GNA12: variants seen among roughly 807,000 people sequenced by gnomAD.
GNA12 encodes G protein subunit alpha 12.
A neutral mutation model predicts 26.0 loss-of-function variants in GNA12; 9 were observed. The ratio of observed to expected loss-of-function variants is 0.35; its 90% CI spans 0.21 to 0.60. The LOEUF is 0.60. GNA12 is among the 20% of genes least tolerant of loss of function. The pLI is 0.78. For synonymous variants in GNA12, 264 were observed against 219.6 expected (o/e 1.20, Z -1.79); for missense variants, 405 against 525.8 (o/e 0.77, Z 2.25).
chr7:2,734,253 G>A (rs960339900), intron 2 of GNA12, among the ~76,000 whole-genome samples: 1 of 152,184 alleles, frequency 6.6e-6, no homozygotes, highest in Admixed American at 6.5e-5. Context: ...CGCAACCACC[G>A]ACCACAGAGC....
At chr7:2,754,422 C>A (rs370547750) in intron 2 of GNA12, among the ~76,000 whole-genome samples, 29 of 152,222 alleles carry the variant, frequency 1.9e-4, no homozygotes, top group African/African-American at 7.0e-4. Context: ...TTCTCCCAGT[C>A]TGTAGCTTGT....
chr7:2,770,091 G>A (rs1055127922), intron 2 of GNA12, among the ~76,000 whole-genome samples: 1 of 152,032 alleles, frequency 6.6e-6, no homozygotes, highest in African/African-American at 2.4e-5. Context: ...GGTACTGTGA[G>A]GAAAATAAAA....
chr7:2,731,442 G>A lies in GNA12; in HGVS notation c.885C>T (p.Leu295=). 1 of 1,613,818 alleles carries A rather than the reference G, an allele frequency of 6.2e-7. No individual in the cohort carries two copies. Among genetic ancestry groups the A allele is most frequent in the Non-Finnish European group, 8.5e-7 (1 of 1,179,802 alleles). Residue 295 remains leucine, a synonymous_variant, in exon 4 of 4, where the codon CTC becomes CTT. Transcript: ENST00000275364. The surrounding 1 kb of genome is among the most constrained non-coding windows in gnomAD (Gnocchi z 6.0). ...TCTCCACCAGGAGGTCCATCTTGTT[G>A]AGGAAGAGAATGATGGAGACGTTGA... ...LFFNVSIILF[L]NKMDLLVEKV...
chr7:2,765,996 CATCTTA>C (rs1465261554), intron 2 of GNA12, among the ~76,000 whole-genome samples: 2 of 151,978 alleles, frequency 1.3e-5, no homozygotes, highest in African/African-American at 4.8e-5. Flanking sequence ...TAAAATTTAC[CATCTTA>C]ATCATTTTAA....
At chr7:2,778,283 A>G (rs1302627435) in intron 2 of GNA12, among the ~76,000 whole-genome samples, 1 of 151,950 alleles carries the variant, frequency 6.6e-6, no homozygotes, top group African/African-American at 2.4e-5. Flanking sequence ...TTCTCACAAA[A>G]CCTCTCCTAA....
intron 2 of GNA12, chr7:2,762,228 G>A (rs1229466889): frequency 1.1e-5 from 2 of 185,682 alleles, no homozygotes; most frequent in African/African-American, 4.7e-5. Context: ...AGGGCTTCGT[G>A]TTCTGCACTG....
intron 1 of GNA12, among the ~76,000 whole-genome samples, chr7:2,805,923 TGA>T (rs1170574554): frequency 6.6e-6 from 1 of 152,184 alleles, no homozygotes; most frequent in Admixed American, 6.5e-5. Flanking sequence ...CCAGCTGAAC[TGA>T]GAGGTATTAT....
intron 2 of GNA12, among the ~76,000 whole-genome samples, chr7:2,787,160 G>A (rs1204282456): frequency 6.6e-6 from 1 of 152,164 alleles, no homozygotes; most frequent in Non-Finnish European, 1.5e-5. Flanking sequence ...CAATCCTGAA[G>A]CTGTGTGAGC....
chr7:2,735,783 T>A (rs933953497), intron 2 of GNA12, among the ~76,000 whole-genome samples: 7 of 152,150 alleles, frequency 4.6e-5, no homozygotes, highest in African/African-American at 1.7e-4. Flanking sequence ...TCTAGTTTCA[T>A]GTCAGGGCGG....
intron 2 of GNA12, among the ~76,000 whole-genome samples, chr7:2,772,183 A>C (rs1791964961): frequency 6.6e-6 from 1 of 152,266 alleles, no homozygotes; most frequent in Non-Finnish European, 1.5e-5. Flanking sequence ...AATTCCCAAG[A>C]AAATGACCAA....
In GNA12 at chr7:2,731,089, C is replaced by G; in HGVS notation, c.*92G>C. On this transcript the variant is annotated 3_prime_UTR_variant, in exon 4 of 4. Transcript: ENST00000275364. The surrounding 1 kb of genome is among the most constrained non-coding windows in gnomAD (Gnocchi z 6.0). ...TTCCAGGGCACGGATCCGAGAAACC[C>G]ACTCAAGGACCACACAGACAACACA... 3 of 834,884 alleles carry G rather than the reference C, an allele frequency of 3.6e-6. No homozygotes were observed. In the Admixed American group the frequency reaches 7.1e-5, roughly 20 times the overall value. 51.7% of individuals were successfully genotyped at this position (834,884 alleles called of 1,614,324 possible). A position where few individuals can be genotyped will look rare whatever the true frequency, so the allele number is the denominator to read the frequency against.
intron 1 of GNA12, among the ~76,000 whole-genome samples, chr7:2,807,843 C>T (rs1392446866): frequency 6.6e-6 from 1 of 152,178 alleles, no homozygotes; most frequent in South Asian, 2.1e-4. Flanking sequence ...GACGCTGCAG[C>T]GTTTCAAATT....
At chr7:2,838,922 T>G (rs772050985) in intron 1 of GNA12, among the ~76,000 whole-genome samples, 10 of 152,124 alleles carry the variant, frequency 6.6e-5, no homozygotes, top group Admixed American at 1.3e-4. Flanking sequence ...AAAGAAGAAA[T>G]AGACAAATCC....
chr7:2,807,717 T>G (rs2115476752), intron 1 of GNA12, among the ~76,000 whole-genome samples: 1 of 152,268 alleles, frequency 6.6e-6, no homozygotes, highest in African/African-American at 2.4e-5. Context: ...AGAAGTAAAT[T>G]TAAGTAGTAA....
intron 1 of GNA12, among the ~76,000 whole-genome samples, chr7:2,824,316 C>T (rs966261873): frequency 1.3e-5 from 2 of 152,174 alleles, no homozygotes; most frequent in Non-Finnish European, 2.9e-5. Flanking sequence ...TTAAGGCCCG[C>T]GTCTTCCCAG....
chr7:2,746,357 G>A (rs887678282), intron 2 of GNA12, among the ~76,000 whole-genome samples: 11 of 152,072 alleles, frequency 7.2e-5, no homozygotes, highest in African/African-American at 2.7e-4. Flanking sequence ...CTAGAACTCA[G>A]GATTAAGAAA....
At chr7:2,778,354 C>T (rs1016511355) in intron 2 of GNA12, among the ~76,000 whole-genome samples, 3 of 152,336 alleles carry the variant, frequency 2.0e-5, no homozygotes, top group Non-Finnish European at 2.9e-5. Flanking sequence ...TCTGAGTCTC[C>T]GATCACCACT....
intron 1 of GNA12, among the ~76,000 whole-genome samples, chr7:2,815,998 C>G (rs112544638): frequency 2.3e-3 from 344 of 152,390 alleles, no homozygotes; most frequent in African/African-American, 7.4e-3. Context: ...CTGCGTGGAA[C>G]TGACCCAGCA....
intron 2 of GNA12, among the ~76,000 whole-genome samples, chr7:2,789,694 G>T (rs1279425287): frequency 6.6e-6 from 1 of 152,162 alleles, no homozygotes; most frequent in African/African-American, 2.4e-5. Flanking sequence ...TGAGGACAGG[G>T]ATCCAGAGTT....
Sources: gnomAD v4.1 joint callset for allele counts (sites outside exome capture counted in the v4.1 genomes callset) on GRCh38, gnomAD v4.1.1 for gene constraint, Gnocchi (gnomAD v3.1) non-coding constraint, MANE v1.5 for transcripts, NCBI Gene and HGNC (gene_info 2026-07-23, HGNC 2026-07-21) for gene names.